Variants in ADAMTS17 observed in about 807,000 individuals in gnomAD.
The protein encoded by ADAMTS17 is ADAM metallopeptidase with thrombospondin type 1 motif 17.
In ADAMTS17, 113 loss-of-function variants were observed where a neutral mutation model predicts 141.5. The observed-to-expected ratio is 0.80, with a 90% CI of 0.69 to 0.93. ADAMTS17 has a LOEUF of 0.93. Ranked by LOEUF, ADAMTS17 falls within the 40% of genes least tolerant of loss-of-function variation. The probability of loss-of-function intolerance (pLI) is 0.00; values close to 1 mark genes in which losing one functional copy is unlikely to be tolerated. For synonymous variants in ADAMTS17, 768 were observed against 630.6 expected (o/e 1.22, Z -3.27); for missense variants, 1,659 against 1,517.9 (o/e 1.09, Z -1.54).
intron 18 of ADAMTS17, among the ~76,000 whole-genome samples, chr15:100,045,711 T>G (rs927115010): frequency 6.6e-6 from 1 of 152,200 alleles, no homozygotes; most frequent in Admixed American, 6.5e-5. Flanking sequence ...TCTCCTCTGA[T>G]GGCTTAACCA....
chr15:99,974,286 A>G lies in ADAMTS17; in HGVS notation c.*116T>C, dbSNP rs143850369. ...AACGCCAAGTCCACGCTCATGTTCT[A>G]TGTAGTTGGATTCTTGTGGCAGCCG... On this transcript the variant is annotated 3_prime_UTR_variant, in exon 22 of 22. Transcript: ENST00000268070. The G allele has an allele frequency of 2.0e-3, 2,612 of 1,329,908 alleles. 32 individuals carry two copies. In the African/African-American group the frequency reaches 0.029, roughly 15 times the overall value. The allele number at this position is 1,329,908 out of a possible 1,614,324, so 82.4% of individuals were successfully genotyped here. A position where few individuals can be genotyped will look rare whatever the true frequency, so the allele number is the denominator to read the frequency against.
intron 18 of ADAMTS17, among the ~76,000 whole-genome samples, chr15:100,046,762 C>G (rs915643848): frequency 3.9e-5 from 6 of 152,148 alleles, no homozygotes; most frequent in Non-Finnish European, 8.8e-5. Context: ...TTAATCCTGT[C>G]AATTTGTAAG....
chr15:100,258,275 T>C (rs769786520), intron 6 of ADAMTS17, among the ~76,000 whole-genome samples: 1 of 152,108 alleles, frequency 6.6e-6, no homozygotes, highest in Non-Finnish European at 1.5e-5. Context: ...TAGTTTTGAG[T>C]TTTTGAGGTA....
intron 7 of ADAMTS17, among the ~76,000 whole-genome samples, chr15:100,200,990 G>A (rs1210171573): frequency 6.6e-6 from 1 of 152,232 alleles, no homozygotes; most frequent in Non-Finnish European, 1.5e-5. Flanking sequence ...TGTCTCAGGA[G>A]GGAAGGAGTT....
intron 8 of ADAMTS17, among the ~76,000 whole-genome samples, chr15:100,193,645 C>T (rs3925732): frequency 1.3e-5 from 2 of 152,052 alleles, no homozygotes; most frequent in East Asian, 1.9e-4. Flanking sequence ...CAGTGGGTGA[C>T]GCTGGGCCAC....
At chr15:100,289,104 G>A (rs1175278737) in intron 3 of ADAMTS17, among the ~76,000 whole-genome samples, 1 of 152,028 alleles carries the variant, frequency 6.6e-6, no homozygotes, top group African/African-American at 2.4e-5. Flanking sequence ...CCTCTAGCTA[G>A]ACCAATAAAA....
At chr15:100,269,284 A>G (rs1236756353) in intron 4 of ADAMTS17, among the ~76,000 whole-genome samples, 1 of 152,226 alleles carries the variant, frequency 6.6e-6, no homozygotes, top group Non-Finnish European at 1.5e-5. Context: ...AGTGAGATCT[A>G]TTAAACTAAA....
intron 3 of ADAMTS17, among the ~76,000 whole-genome samples, chr15:100,298,130 T>C (rs562135857): frequency 2.4e-4 from 36 of 152,034 alleles, no homozygotes; most frequent in East Asian, 1.9e-4. Context: ...CGCGAGGAAA[T>C]GGCGCAAACT....
At chr15:100,068,466 C>A (rs889623360) in intron 15 of ADAMTS17, among the ~76,000 whole-genome samples, 2 of 152,234 alleles carry the variant, frequency 1.3e-5, no homozygotes, top group African/African-American at 4.8e-5. Flanking sequence ...CAAGTGGGTC[C>A]CTGACCCCTG....
intron 15 of ADAMTS17, among the ~76,000 whole-genome samples, chr15:100,086,844 G>A (rs2140972237): frequency 6.6e-6 from 1 of 152,034 alleles, no homozygotes; most frequent in East Asian, 1.9e-4. Context: ...TCAAAGCAGT[G>A]TGTAGAGGGA....
At chr15:100,213,466 C>T (rs938998209) in intron 7 of ADAMTS17, among the ~76,000 whole-genome samples, 5 of 152,152 alleles carry the variant, frequency 3.3e-5, no homozygotes, top group Non-Finnish European at 4.4e-5. Context: ...TTACGGCTTC[C>T]TCCCCGTCCA....
intron 12 of ADAMTS17, among the ~76,000 whole-genome samples, chr15:100,120,767 G>GA (rs2037411531): frequency 6.6e-6 from 1 of 152,206 alleles, no homozygotes; most frequent in Admixed American, 6.5e-5. Context: ...TATTTCTAGA[G>GA]TTACTGCATT....
intron 8 of ADAMTS17, among the ~76,000 whole-genome samples, chr15:100,183,049 C>T (rs1011608184): frequency 6.6e-6 from 1 of 152,054 alleles, no homozygotes; most frequent in Non-Finnish European, 1.5e-5. Flanking sequence ...AGTGCGGTGG[C>T]ACGATCTCAG....
chr15:100,295,943 G>A (rs964309846), intron 3 of ADAMTS17, among the ~76,000 whole-genome samples: 3 of 152,132 alleles, frequency 2.0e-5, no homozygotes, highest in Non-Finnish European at 2.9e-5. Flanking sequence ...ACAGAATGCT[G>A]CCATAGACAG....
At chr15:100,258,498 G>C (rs1048345038) in intron 6 of ADAMTS17, among the ~76,000 whole-genome samples, 1 of 152,190 alleles carries the variant, frequency 6.6e-6, no homozygotes, top group African/African-American at 2.4e-5. Flanking sequence ...ACATGGCTGG[G>C]GAGGCCTCAC....
At chr15:100,209,752 C>T (rs997578949) in intron 7 of ADAMTS17, among the ~76,000 whole-genome samples, 4 of 152,220 alleles carry the variant, frequency 2.6e-5, no homozygotes, top group South Asian at 2.1e-4. Flanking sequence ...TCATCGCCAG[C>T]GTGGCAGAAA....
intron 7 of ADAMTS17, among the ~76,000 whole-genome samples, chr15:100,217,007 G>A (rs1213065456): frequency 6.6e-6 from 1 of 152,128 alleles, no homozygotes; most frequent in Non-Finnish European, 1.5e-5. Flanking sequence ...TTAGTTTCCT[G>A]AAGCTGAAAA....
intron 18 of ADAMTS17, among the ~76,000 whole-genome samples, chr15:100,037,655 TGCCTCG>T (rs2030871208): frequency 6.6e-6 from 1 of 151,574 alleles, no homozygotes; most frequent in African/African-American, 2.4e-5. Context: ...GAGATCCGTC[TGCCTCG>T]GCCTCCCAAA....
intron 8 of ADAMTS17, among the ~76,000 whole-genome samples, chr15:100,170,902 C>T (rs1288235057): frequency 1.3e-5 from 2 of 152,108 alleles, no homozygotes; most frequent in African/African-American, 2.4e-5. Context: ...TGGTGGCACC[C>T]GTTACTTTAT....
Sources: allele counts gnomAD v4.1 joint callset (sites outside exome capture counted in the v4.1 genomes callset), GRCh38; gene constraint gnomAD v4.1.1; transcripts MANE v1.5; gene names NCBI Gene and HGNC (gene_info 2026-07-23, HGNC 2026-07-21).